The following CDH13 variants were observed in gnomAD, a reference collection of about 807,000 sequenced individuals.
The protein encoded by CDH13 is cadherin-13.
A neutral mutation model predicts 63.8 loss-of-function variants in CDH13; 24 were observed. The observed-to-expected ratio is 0.38, with a 90% CI of 0.27 to 0.53. The LOEUF is 0.53. Ranked by LOEUF, CDH13 falls within the 20% of genes least tolerant of loss-of-function variation. The probability of loss-of-function intolerance (pLI) is 0.85; values close to 1 mark genes in which losing one functional copy is unlikely to be tolerated. For synonymous variants in CDH13, 503 were observed against 355.3 expected, an observed-to-expected ratio of 1.42 and a Z score of -4.67; for missense variants, 1,049 against 903.1, an observed-to-expected ratio of 1.16 and a Z score of -2.07.
At chr16:83,345,227 A>G (rs1382006404) in intron 6 of CDH13, among the ~76,000 whole-genome samples, 1 of 152,176 alleles carries the variant, frequency 6.6e-6, no homozygotes, top group Non-Finnish European at 1.5e-5. Context: ...TCTGAAGATC[A>G]TCCTCCAAGG....
At chr16:83,251,449 G>T (rs1271979609) in intron 5 of CDH13, among the ~76,000 whole-genome samples, 1 of 152,202 alleles carries the variant, frequency 6.6e-6, no homozygotes, top group East Asian at 1.9e-4. Context: ...TACCCAGCTG[G>T]TAAGTGGTGA....
chr16:82,731,128 C>T (rs2033381769), intron 1 of CDH13, among the ~76,000 whole-genome samples: 1 of 152,148 alleles, frequency 6.6e-6, no homozygotes, highest in Non-Finnish European at 1.5e-5. Flanking sequence ...ATGACAGGAA[C>T]TGGCAAACAC....
At chr16:83,095,113 T>G (rs1320711344) in intron 3 of CDH13, among the ~76,000 whole-genome samples, 1 of 152,180 alleles carries the variant, frequency 6.6e-6, no homozygotes, top group African/African-American at 2.4e-5. Context: ...TGAACAGAAA[T>G]AAAATAACCC....
intron 5 of CDH13, among the ~76,000 whole-genome samples, chr16:83,291,837 C>G (rs16960137): frequency 0.038 from 5,710 of 152,156 alleles, 359 homozygotes; most frequent in African/African-American, 0.13. Flanking sequence ...TACGTTTGGT[C>G]TCTTACATAT....
At chr16:82,653,324 T>C (rs796724980) in intron 1 of CDH13, among the ~76,000 whole-genome samples, 14 of 152,272 alleles carry the variant, frequency 9.2e-5, no homozygotes, top group African/African-American at 3.4e-4. Context: ...AGTGCCTTAG[T>C]GTATTTTACA....
intron 2 of CDH13, among the ~76,000 whole-genome samples, chr16:82,871,103 C>G (rs1567617652): frequency 6.6e-6 from 1 of 152,200 alleles, no homozygotes; most frequent in Admixed American, 6.5e-5. Flanking sequence ...ATATCAGTAA[C>G]ACTATTGACA....
intron 11 of CDH13, among the ~76,000 whole-genome samples, chr16:83,755,310 A>C (rs1157996420): frequency 6.6e-6 from 1 of 152,194 alleles, no homozygotes; most frequent in Non-Finnish European, 1.5e-5. Flanking sequence ...AACGGGAAAA[A>C]ATCTGCCAAA....
intron 2 of CDH13, among the ~76,000 whole-genome samples, chr16:83,014,800 ATATGTATATATATTTGTATATATATATT>A (rs1914570201): frequency 1.7e-5 from 1 of 58,468 alleles, no homozygotes; most frequent in Non-Finnish European, 3.3e-5. Context: ...TTGTATATAT[ATATGTATATATATTTGTATATATATATT>A]TGTATATATA....
intron 2 of CDH13, among the ~76,000 whole-genome samples, chr16:82,986,393 T>G (rs540155260): frequency 7.2e-5 from 11 of 152,236 alleles, no homozygotes; most frequent in Admixed American, 2.6e-4. Flanking sequence ...ACTGTGTATA[T>G]AAAAGTCATT....
At chr16:83,661,777 C>T (rs960269776) in intron 8 of CDH13, among the ~76,000 whole-genome samples, 2 of 152,226 alleles carry the variant, frequency 1.3e-5, no homozygotes, top group African/African-American at 4.8e-5. Context: ...TCAGCACCTT[C>T]TGTGTATCTG....
Position 83,779,405 on chromosome 16 carries a change from T to TAAAAAAAAAAAAAAAAAAA in CDH13, c.1682-563_1682-562insAAAAAAAAAAAAAAAAAAA, listed in dbSNP as rs1174439191. Among the ~76,000 whole-genome samples the TAAAAAAAAAAAAAAAAAAA allele has an allele frequency of 4.4e-5, 3 of 67,784 alleles. 1 individual carries two copies. Among genetic ancestry groups the TAAAAAAAAAAAAAAAAAAA allele is most frequent in the South Asian group, 1.3e-3 (2 of 1,584 alleles). The allele number at this position is 67,784 out of a possible 152,430, so 44.5% of individuals were successfully genotyped here. ...CCGGGCGACAGCGCGAGACTCCATC[T>TAAAAAAAAAAAAAAAAAAA]CAAAAAAAAAAAAAAAAAAAAAAAA... is the stretch of plus-strand genomic sequence containing the variant. On this transcript the variant is annotated intron_variant, in intron 11 of 13. Transcript: ENST00000567109.
intron 7 of CDH13, among the ~76,000 whole-genome samples, chr16:83,584,510 A>T (rs769127018): frequency 7.2e-5 from 11 of 152,020 alleles, no homozygotes; most frequent in Non-Finnish European, 1.5e-4. Flanking sequence ...AGAGAAAGTG[A>T]CCCCTGAGGC....
intron 10 of CDH13, among the ~76,000 whole-genome samples, chr16:83,747,713 G>A (rs940351497): frequency 2.0e-5 from 3 of 149,360 alleles, no homozygotes; most frequent in African/African-American, 7.4e-5. Context: ...GCATTGATGT[G>A]CCCTGCTTGT....
chr16:83,122,570 A>C (rs1046853663), intron 3 of CDH13, among the ~76,000 whole-genome samples: 5 of 152,130 alleles, frequency 3.3e-5, no homozygotes, highest in African/African-American at 1.2e-4. Flanking sequence ...CACTGAATAC[A>C]AGTCTCCATA....
intron 5 of CDH13, among the ~76,000 whole-genome samples, chr16:83,286,097 C>G (rs1210331149): frequency 2.6e-5 from 4 of 152,130 alleles, no homozygotes; most frequent in African/African-American, 9.7e-5. Flanking sequence ...TCTGGCAAGT[C>G]TGAGCAACGT....
chr16:82,843,317 A>G (rs762649507), intron 1 of CDH13, among the ~76,000 whole-genome samples: 3 of 152,202 alleles, frequency 2.0e-5, no homozygotes, highest in South Asian at 2.1e-4. Flanking sequence ...AATACATCCA[A>G]TTGGCATTCA....
intron 1 of CDH13, among the ~76,000 whole-genome samples, chr16:82,774,888 T>C (rs1393955932): frequency 6.6e-6 from 1 of 152,218 alleles, no homozygotes; most frequent in Non-Finnish European, 1.5e-5. Context: ...AAACAAGCTC[T>C]TCCTATAGCT....
chr16:83,459,995 C>T (rs1427623083), intron 6 of CDH13, among the ~76,000 whole-genome samples: 2 of 152,102 alleles, frequency 1.3e-5, no homozygotes, highest in Non-Finnish European at 1.5e-5. Flanking sequence ...TTAAAAGATA[C>T]TCACAGCACA....
intron 1 of CDH13, among the ~76,000 whole-genome samples, chr16:82,796,505 G>A (rs1247682899): frequency 3.9e-5 from 6 of 152,202 alleles, no homozygotes; most frequent in South Asian, 4.1e-4. Flanking sequence ...CCCCACCATC[G>A]TGGAATTTAC....
Sources: allele counts gnomAD v4.1 joint callset (sites outside exome capture counted in the v4.1 genomes callset), GRCh38; gene constraint gnomAD v4.1.1; transcripts MANE v1.5; gene names NCBI Gene and HGNC (gene_info 2026-07-23, HGNC 2026-07-21).